FHOD3: variants seen among roughly 807,000 people sequenced by gnomAD.
FHOD3 encodes the protein FH1/FH2 domain-containing protein 3.
Under a neutral mutation model 173.0 loss-of-function variants are expected in FHOD3, and 90 were observed. The observed-to-expected ratio is 0.52, with a 90% CI of 0.44 to 0.62. FHOD3 has a LOEUF of 0.62. Among genes scored for constraint, FHOD3 ranks in the 20% least tolerant of loss-of-function variants. The pLI is 0.00. For synonymous variants in FHOD3, 828 were observed against 823.0 expected (o/e 1.01, Z -0.10); for missense variants, 1,945 against 2,034.7 (o/e 0.96, Z 0.85).
chr18:36,504,209 C>T (rs1423117348), intron 4 of FHOD3, among the ~76,000 whole-genome samples: 1 of 152,168 alleles, frequency 6.6e-6, no homozygotes, highest in Admixed American at 6.5e-5. Flanking sequence ...GTGTGATCTA[C>T]CACGCCTGGC....
rs572520639 is a variant in FHOD3 at position 36,742,697 on chromosome 18, T to C, written c.3760-40T>C. The C allele has an allele frequency of 5.0e-6, 8 of 1,589,818 alleles. No homozygotes were observed. The Admixed American group carries it at 5.5e-5, about 11-fold the overall frequency. ...GTCAGAAGAACAAAGTAAACCCAAA[T>C]TGTACACTCTTTATTGTCTAATTTT... On this transcript the variant is annotated intron_variant, in intron 21 of 28. Coordinates refer to ENST00000590592, the MANE Select transcript of FHOD3 (RefSeq NM_001281740.3).
chr18:36,302,795 A>G lies in FHOD3; in HGVS notation c.165+4795A>G, dbSNP rs2144433450. Among the ~76,000 whole-genome samples, 2 of 152,348 alleles carry G rather than the reference A, an allele frequency of 1.3e-5. 1 individual carries two copies. Among genetic ancestry groups the G allele is most frequent in the South Asian group, 4.1e-4 (2 of 4,832 alleles). ...CTTGGCAAGTGTGTTGTGTCATAGT[A>G]TCTTAGGACAACACTGTTTTAAGAA... is the stretch of plus-strand genomic sequence containing the variant. On this transcript the variant is annotated intron_variant, in intron 1 of 28. Coordinates refer to ENST00000590592, the MANE Select transcript of FHOD3 (RefSeq NM_001281740.3).
rs891191482 is a variant in FHOD3, at chr18:36,303,973, C to T, written c.165+5973C>T. ...GTGAATGTTAAGCTTTGCCAATCAG[C>T]GCAATCCAGATTGTGAGAAATTACA... On this transcript the variant is annotated intron_variant, in intron 1 of 28. Transcript: ENST00000590592. Among the ~76,000 whole-genome samples the T allele has an allele frequency of 9.2e-5, 14 of 152,050 alleles. No individual in the cohort carries two copies. The South Asian group carries it at 1.9e-3, about 20-fold the overall frequency.
chr18:36,419,828 CCTT>C (rs990471600), intron 3 of FHOD3, among the ~76,000 whole-genome samples: 27 of 152,338 alleles, frequency 1.8e-4, no homozygotes, highest in African/African-American at 6.5e-4. Flanking sequence ...TCTCTTTTAT[CCTT>C]CTTTCCATAT....
chr18:36,700,479 C>T (rs1312860285), intron 17 of FHOD3, among the ~76,000 whole-genome samples: 2 of 152,218 alleles, frequency 1.3e-5, no homozygotes, highest in Non-Finnish European at 2.9e-5. Flanking sequence ...TTTGATTCCT[C>T]CTTCAACACT....
At chr18:36,369,682 A>G (rs1325082336) in intron 2 of FHOD3, among the ~76,000 whole-genome samples, 2 of 152,084 alleles carry the variant, frequency 1.3e-5, no homozygotes, top group Non-Finnish European at 2.9e-5. Context: ...TGAGTCTTAT[A>G]TGGTCTTGTA....
chr18:36,492,044 C>T (rs1003392295), intron 3 of FHOD3, among the ~76,000 whole-genome samples: 1 of 152,172 alleles, frequency 6.6e-6, no homozygotes, highest in Non-Finnish European at 1.5e-5. Flanking sequence ...TTGGGTTTAG[C>T]TAACCTGTAA....
chr18:36,384,131 G>T (rs2047915036), intron 3 of FHOD3, among the ~76,000 whole-genome samples: 2 of 152,094 alleles, frequency 1.3e-5, no homozygotes, highest in Non-Finnish European at 2.9e-5. Flanking sequence ...GGCCGAGTGT[G>T]GTGGCTCACA....
intron 15 of FHOD3, among the ~76,000 whole-genome samples, chr18:36,682,369 C>T (rs1267007909): frequency 6.6e-6 from 1 of 152,160 alleles, no homozygotes; most frequent in Non-Finnish European, 1.5e-5. Flanking sequence ...CCCACCTCCT[C>T]CTATACTTTC....
rs529925378 is a variant in FHOD3 at position 36,361,707 on chromosome 18, A to G, written c.272+6062A>G. Among the ~76,000 whole-genome samples the G allele has an allele frequency of 2.7e-3, 416 of 152,008 alleles. 4 individuals carry two copies. Among genetic ancestry groups the G allele is most frequent in the Middle Eastern group, 3.4e-3 (1 of 294 alleles). ...TCTCAAAAAAAAAAAAAAAAGAAAA[A>G]AAAAGAAAAATGCTGTCCAGGTGGT... On this transcript the variant is annotated intron_variant, in intron 2 of 28. Coordinates refer to ENST00000590592, the MANE Select transcript of FHOD3 (RefSeq NM_001281740.3).
chr18:36,671,635 A>G (rs921825897), intron 14 of FHOD3, among the ~76,000 whole-genome samples: 2 of 152,260 alleles, frequency 1.3e-5, no homozygotes, highest in Non-Finnish European at 2.9e-5. Flanking sequence ...GACAAAAGAA[A>G]AAAGCAACAC....
intron 9 of FHOD3, among the ~76,000 whole-genome samples, chr18:36,612,581 C>T (rs773019636): frequency 3.3e-5 from 5 of 152,162 alleles, no homozygotes; most frequent in Non-Finnish European, 5.9e-5. Context: ...TCTTCACTTT[C>T]TTCTGTGGTT....
At chr18:36,564,995 T>C (rs2058213814) in intron 5 of FHOD3, among the ~76,000 whole-genome samples, 1 of 152,198 alleles carries the variant, frequency 6.6e-6, no homozygotes, top group African/African-American at 2.4e-5. Flanking sequence ...CAGCCTAGAA[T>C]TGGCAGCTTA....
At chr18:36,726,927 C>T (rs2041106166) in intron 19 of FHOD3, among the ~76,000 whole-genome samples, 1 of 152,218 alleles carries the variant, frequency 6.6e-6, no homozygotes, top group African/African-American at 2.4e-5. Context: ...CCCACCTCGG[C>T]CTCCCAAAGT....
chr18:36,755,697 G>A (rs985497439), intron 25 of FHOD3, among the ~76,000 whole-genome samples: 7 of 152,150 alleles, frequency 4.6e-5, no homozygotes, highest in Admixed American at 2.0e-4. Flanking sequence ...CAAATGTACT[G>A]ATTGGGGCAT....
chr18:36,576,680 ACTC>A, intron 6 of FHOD3, 135 bp downstream of exon 6: 1 of 557,988 alleles, frequency 1.8e-6, no homozygotes, highest in Non-Finnish European at 3.1e-6. Context: ...GAGGATTACT[ACTC>A]TACAAATTTT....
intron 2 of FHOD3, among the ~76,000 whole-genome samples, chr18:36,358,157 G>A (rs2046448882): frequency 2.0e-5 from 3 of 152,228 alleles, no homozygotes; most frequent in Non-Finnish European, 2.9e-5. Flanking sequence ...GAACACAGAT[G>A]TGACCAATTC....
intron 5 of FHOD3, among the ~76,000 whole-genome samples, chr18:36,559,852 A>G (rs1338490262): frequency 6.6e-6 from 1 of 152,114 alleles, no homozygotes; most frequent in Non-Finnish European, 1.5e-5. Context: ...GGGACTCTGA[A>G]ACATAAGCTT....
chr18:36,513,278 A>G (rs1032318282), intron 5 of FHOD3, among the ~76,000 whole-genome samples: 1 of 152,068 alleles, frequency 6.6e-6, no homozygotes, highest in East Asian at 1.9e-4. Context: ...GTTTTGACCT[A>G]CAAAAGAAGA....
Sources: gnomAD v4.1 joint callset for allele counts (sites outside exome capture counted in the v4.1 genomes callset) on GRCh38, gnomAD v4.1.1 for gene constraint, MANE v1.5 for transcripts, NCBI Gene and HGNC (gene_info 2026-07-23, HGNC 2026-07-21) for gene names.